PRR5L: variants seen among roughly 807,000 people sequenced by gnomAD.
PRR5L encodes the protein proline-rich protein 5-like.
A neutral mutation model predicts 36.4 loss-of-function variants in PRR5L; 21 were observed. The ratio of observed to expected loss-of-function variants is 0.58; its 90% CI spans 0.41 to 0.83. The LOEUF is 0.83. Among genes scored for constraint, PRR5L ranks in the 40% least tolerant of loss-of-function variants. The pLI, the probability that PRR5L is intolerant of heterozygous loss-of-function variation, is 0.00. For missense variants in PRR5L, 381 were observed against 473.3 expected, an observed-to-expected ratio of 0.80 and a Z score of 1.81; for synonymous variants, 188 against 197.0, an observed-to-expected ratio of 0.95 and a Z score of 0.38.
chr11:36,408,895 G>C (rs1857966517), intron 3 of PRR5L, among the ~76,000 whole-genome samples: 3 of 152,218 alleles, frequency 2.0e-5, no homozygotes, highest in Non-Finnish European at 4.4e-5. Context: ...TGGGGTGTGT[G>C]TGTCGAAGCA....
chr11:36,451,127 C>A, intron 7 of PRR5L, 82 bp from the exon 8 acceptor site: 3 of 1,524,544 alleles, frequency 2.0e-6, no homozygotes, highest in Admixed American at 3.5e-5. Flanking sequence ...TGGAGGAGGA[C>A]AATCAGGATT....
intron 1 of PRR5L, among the ~76,000 whole-genome samples, chr11:36,389,268 C>T (rs1490467563): frequency 3.3e-5 from 5 of 152,210 alleles, no homozygotes; most frequent in Non-Finnish European, 7.3e-5. Flanking sequence ...GACTGCTCTC[C>T]CTCCAGCCAT....
chr11:36,363,127 G>A (rs1006635912), intron 1 of PRR5L, among the ~76,000 whole-genome samples: 4 of 152,222 alleles, frequency 2.6e-5, no homozygotes, highest in Admixed American at 2.0e-4. Flanking sequence ...GCATCTCAGT[G>A]TGCCTGGGCA....
In PRR5L at chr11:36,325,566, A is replaced by G. The variant is rs145063683; in HGVS notation, c.-126+29128A>G. 7.2e-5 allele frequency among the ~76,000 whole-genome samples: 11 copies of G among 152,136 alleles called. No individual in the cohort carries two copies. The East Asian group carries it at 2.1e-3, about 29-fold the overall frequency. On this transcript the variant is annotated intron_variant, in intron 1 of 8. Coordinates refer to ENST00000530639, the MANE Select transcript of PRR5L (RefSeq NM_001160167.2). ...TGTCCCTGGCGCTGTGCTCTCAGGC[A>G]ATAGATGATTGGCTATTTCTTTACC... is the stretch of plus-strand genomic sequence containing the variant.
At chr11:36,422,802 A>C (rs1858296868) in intron 4 of PRR5L, among the ~76,000 whole-genome samples, 1 of 152,150 alleles carries the variant, frequency 6.6e-6, no homozygotes, top group South Asian at 2.1e-4. Context: ...TGACATTTCC[A>C]GTATTGATTT....
intron 1 of PRR5L, among the ~76,000 whole-genome samples, chr11:36,350,974 A>G (rs1281570008): frequency 8.9e-5 from 7 of 78,936 alleles, no homozygotes; most frequent in African/African-American, 4.3e-4. Context: ...ATATATTTAT[A>G]TATATTTATA....
chr11:36,310,822 C>A (rs1392248273), intron 1 of PRR5L, among the ~76,000 whole-genome samples: 1 of 151,910 alleles, frequency 6.6e-6, no homozygotes, highest in South Asian at 2.1e-4. Flanking sequence ...CATGGTGAAA[C>A]CCCGTCTCTA....
chr11:36,302,279 T>C (rs1014229208), intron 1 of PRR5L, among the ~76,000 whole-genome samples: 2 of 152,022 alleles, frequency 1.3e-5, no homozygotes, highest in Non-Finnish European at 1.5e-5. Flanking sequence ...GGGAAGAATT[T>C]TGGGGAGAAT....
chr11:36,303,795 G>A (rs941682050), intron 1 of PRR5L, among the ~76,000 whole-genome samples: 20 of 152,144 alleles, frequency 1.3e-4, no homozygotes, highest in African/African-American at 3.9e-4. Context: ...ACAATAGAAC[G>A]AACAATACAT....
chr11:36,454,995 G>T (rs149844088), intron 8 of PRR5L, among the ~76,000 whole-genome samples: 2 of 152,188 alleles, frequency 1.3e-5, no homozygotes, highest in Admixed American at 1.3e-4. Context: ...TCAAGTCCCC[G>T]AAGTCTCCAG....
At chr11:36,421,865 TC>T (rs1158109669) in intron 4 of PRR5L, among the ~76,000 whole-genome samples, 1 of 152,202 alleles carries the variant, frequency 6.6e-6, no homozygotes, top group Non-Finnish European at 1.5e-5. Flanking sequence ...CTTGGAAATC[TC>T]CCTCGTTTGA....
At chr11:36,417,069 G>A (rs1858160783) in intron 3 of PRR5L, among the ~76,000 whole-genome samples, 2 of 152,136 alleles carry the variant, frequency 1.3e-5, no homozygotes, top group African/African-American at 2.4e-5. Flanking sequence ...GCATCTTCAT[G>A]AGCATAGTGT....
chr11:36,411,165 T>C (rs145735517), intron 3 of PRR5L, among the ~76,000 whole-genome samples: 7 of 152,328 alleles, frequency 4.6e-5, no homozygotes, highest in South Asian at 2.1e-4. Context: ...TCTTTCTCTG[T>C]GTGCAAGGCA....
chr11:36,437,656 A>T (rs1368874370), intron 6 of PRR5L, among the ~76,000 whole-genome samples, 180 bp downstream of exon 6: 1 of 152,226 alleles, frequency 6.6e-6, no homozygotes, highest in Non-Finnish European at 1.5e-5. Flanking sequence ...CCTAACTTCA[A>T]GTGAAGAAGA....
rs1001423316 is a variant in PRR5L, at chr11:36,376,446, T to C, written c.-125-24551T>C. 10 of 1,147,188 alleles carry C rather than the reference T, an allele frequency of 8.7e-6. No homozygotes were observed. In the African/African-American group the frequency reaches 1.5e-4, roughly 17 times the overall value. 71.1% of individuals were successfully genotyped at this position (1,147,188 alleles called of 1,614,324 possible). On this transcript the variant is annotated intron_variant, in intron 1 of 8. Coordinates refer to ENST00000530639, the MANE Select transcript of PRR5L (RefSeq NM_001160167.2). ...TGTGGGAGCTCCGCGGCCGAAGCGT[T>C]TGTTGACTCGCGCTGGAGAGGAACC...
intron 1 of PRR5L, among the ~76,000 whole-genome samples, chr11:36,308,038 C>T (rs1285121884): frequency 6.6e-6 from 1 of 152,220 alleles, no homozygotes; most frequent in Non-Finnish European, 1.5e-5. Context: ...ATGGAATTCC[C>T]TCTCAGTCTG....
chr11:36,320,151 C>T (rs1322207417), intron 1 of PRR5L, among the ~76,000 whole-genome samples: 3 of 152,150 alleles, frequency 2.0e-5, no homozygotes, highest in Non-Finnish European at 2.9e-5. Flanking sequence ...TACCTCTGCC[C>T]CTACTGGCTG....
chr11:36,462,611 A>C lies in PRR5L; in HGVS notation c.982A>C (p.Ser328Arg). 6.2e-7 allele frequency: 1 copy of C among 1,612,604 alleles called. No individual in the cohort carries two copies. The highest frequency in any genetic ancestry group is 8.5e-7 in the Non-Finnish European group (1 of 1,179,926). ...GAACAAGTGCCTGCTCCTGCCACCC[A>C]GCTTCCCCCCGCCCCACCGGCAGTG... ...SENKCLLLPPSFPPPHRQCSS... is the reference protein window; with the variant it reads ...SENKCLLLPPRFPPPHRQCSS... The change falls in exon 9 of 9, where the codon AGC becomes CGC. Residue 328 changes from serine to arginine, a missense_variant. By Grantham distance (110) the Ser-to-Arg change is moderately radical. Coordinates refer to ENST00000530639, the MANE Select transcript of PRR5L (RefSeq NM_001160167.2).
At chr11:36,342,880 CT>C (rs1177212937) in intron 1 of PRR5L, among the ~76,000 whole-genome samples, 1 of 152,146 alleles carries the variant, frequency 6.6e-6, no homozygotes, top group Non-Finnish European at 1.5e-5. Context: ...TCCTTAAAAC[CT>C]GCAGGCATTT....
Sources: gnomAD v4.1 joint callset for allele counts (sites outside exome capture counted in the v4.1 genomes callset) on GRCh38, gnomAD v4.1.1 for gene constraint, MANE v1.5 for transcripts, NCBI Gene and HGNC (gene_info 2026-07-23, HGNC 2026-07-21) for gene names.